ANKRD18A: variants seen among roughly 807,000 people sequenced by gnomAD.
The protein encoded by ANKRD18A is ankyrin repeat domain 18A.
A neutral mutation model predicts 110.6 loss-of-function variants in ANKRD18A; 72 were observed. The observed-to-expected ratio is 0.65, with a 90% confidence interval of 0.54 to 0.79. ANKRD18A has a LOEUF of 0.79. Among genes scored for constraint, ANKRD18A ranks in the 30% least tolerant of loss-of-function variants. ANKRD18A has a pLI of 0.00. For synonymous variants in ANKRD18A, 305 were observed against 410.3 expected, an observed-to-expected ratio of 0.74 and a Z score of 3.10; for missense variants, 934 against 1,163.3, an observed-to-expected ratio of 0.80 and a Z score of 2.87.
chr9:38,569,842 C>G (rs757580279), downstream of ANKRD18A, among the ~76,000 whole-genome samples: 3 of 152,260 alleles, frequency 2.0e-5, no homozygotes, highest in East Asian at 1.9e-4. Flanking sequence ...GGGATGCAGA[C>G]AGAGGAGGGG....
At position 38,575,695 on chromosome 9, in the gene ANKRD18A, C is replaced by T. The variant is rs778267149; in HGVS notation, c.2745G>A (p.Ser915=). 3.0e-5 allele frequency: 46 copies of T among 1,549,520 alleles called. No homozygotes were observed. In the South Asian group the frequency reaches 3.0e-4, roughly 10 times the overall value. ...NNSMSKKLMK[S]DKKIAVISTK... is the part of the protein sequence containing the mutation. ...TGCTGATCACTGCTATTTTCTTATC[C>T]GATCTGTAAAGAGAGCAAAGACAAA... Residue 915 remains serine (S), a synonymous_variant, in exon 15 of 16, where the codon TCG becomes TCA. Transcript: ENST00000399703.
At chr9:38,580,992 C>T (rs1824138449) in intron 12 of ANKRD18A, among the ~76,000 whole-genome samples, 1 of 152,214 alleles carries the variant, frequency 6.6e-6, no homozygotes, top group Non-Finnish European at 1.5e-5. Context: ...CCATCAAACA[C>T]ATGGGTGAGC....
Position 38,600,819 on chromosome 9 carries a change from A to G in ANKRD18A, c.936+312T>C, listed in dbSNP as rs370725337. 4.1e-4 allele frequency among the ~76,000 whole-genome samples: 62 copies of G among 152,308 alleles called. 2 individuals carry two copies. In the South Asian group the frequency reaches 6.6e-3, roughly 16 times the overall value. On this transcript the variant is annotated intron_variant, in intron 8 of 15. Coordinates refer to ENST00000399703, the MANE Select transcript of ANKRD18A (RefSeq NM_147195.4). ...CAATTGCTCATCATTTCTCTTGCTT[A>G]GTAATACAACTCCATTTTTGATGTT...
rs1425375244 is a variant in ANKRD18A, at chr9:38,611,189, A to G, written c.602+26T>C. ...AACACTCAGGTTTTTAGGAAAAAAG[A>G]AAACAAAAAACAAAAACTATTGCAC... On this transcript the variant is annotated intron_variant, in intron 4 of 15. Transcript: ENST00000399703. The G allele has an allele frequency of 2.6e-6, 4 of 1,523,100 alleles. No homozygotes were observed. In the African/African-American group the frequency reaches 4.2e-5, roughly 16 times the overall value. 94.3% of individuals were successfully genotyped at this position (1,523,100 alleles called of 1,614,324 possible).
chr9:38,619,687 C>G (rs1378729152), intron 1 of ANKRD18A, among the ~76,000 whole-genome samples: 2 of 152,048 alleles, frequency 1.3e-5, no homozygotes, highest in Non-Finnish European at 2.9e-5. Context: ...TCCCAGTGTC[C>G]CTCTAAGAAG....
chr9:38,571,597 G>T lies in ANKRD18A; in HGVS notation c.*448C>A. On this transcript the variant is annotated 3_prime_UTR_variant, in exon 16 of 16. Transcript: ENST00000399703. Reference sequence around the variant, plus strand: ...CGTAACACTAGTATGGACAAACCTGGCAGATACTCTTTAAGTCTCCTACTA... The same window carrying T: ...CGTAACACTAGTATGGACAAACCTGTCAGATACTCTTTAAGTCTCCTACTA... 1 of 1,009,396 alleles carries T rather than the reference G, an allele frequency of 9.9e-7. No homozygotes were observed. 62.5% of individuals were successfully genotyped at this position (1,009,396 alleles called of 1,614,324 possible).
downstream of ANKRD18A, chr9:38,566,642 G>A (rs1248316682): frequency 6.6e-6 from 1 of 152,176 alleles, no homozygotes; most frequent in Non-Finnish European, 1.5e-5. Context: ...TTTTCTGTAT[G>A]ATTCATTATG....
intron 14 of ANKRD18A, 81 bp downstream of exon 14, chr9:38,576,972 A>C: frequency 2.4e-6 from 3 of 1,238,740 alleles, no homozygotes; most frequent in Non-Finnish European, 3.4e-6. Context: ...TGATCTCCTG[A>C]AGCCATCTCA....
chr9:38,616,881 G>A (rs1418479353), intron 1 of ANKRD18A, among the ~76,000 whole-genome samples: 3 of 151,938 alleles, frequency 2.0e-5, no homozygotes, highest in South Asian at 2.1e-4. Context: ...ATATTGGAGT[G>A]GTATTTATAA....
At chr9:38,611,173 GT>G in intron 4 of ANKRD18A, 41 bp downstream of exon 4, 1 of 1,520,156 alleles carries the variant, frequency 6.6e-7, no homozygotes, top group Non-Finnish European at 8.8e-7. Flanking sequence ...GAACACTCAG[GT>G]TTTTAGGAAA....
intron 15 of ANKRD18A, among the ~76,000 whole-genome samples, chr9:38,574,092 G>A (rs1024347731): frequency 1.3e-5 from 2 of 152,056 alleles, no homozygotes; most frequent in African/African-American, 2.4e-5. Context: ...AGTGTCTATT[G>A]TTCCCATGTT....
At chr9:38,578,595 C>A (rs561186046) in intron 12 of ANKRD18A, among the ~76,000 whole-genome samples, 2 of 152,084 alleles carry the variant, frequency 1.3e-5, no homozygotes, top group Non-Finnish European at 2.9e-5. Flanking sequence ...TAATACTCTA[C>A]GCTAGGCATG....
chr9:38,586,044 C>A (rs1026884165), intron 12 of ANKRD18A, 139 bp downstream of exon 12: 2 of 917,786 alleles, frequency 2.2e-6, no homozygotes, highest in African/African-American at 1.7e-5. Context: ...ATAGCTAATG[C>A]CTACGGGGCT....
intron 1 of ANKRD18A, among the ~76,000 whole-genome samples, chr9:38,617,649 G>A (rs562482593): frequency 6.6e-6 from 1 of 152,260 alleles, no homozygotes; most frequent in East Asian, 1.9e-4. Context: ...TCTACCTTCA[G>A]AAAGGCTTTT....
Position 38,593,741 on chromosome 9 carries a change from T to G in ANKRD18A, c.2004+19A>C. 6.6e-7 allele frequency: 1 copy of G among 1,513,054 alleles called. No homozygotes were observed. The highest frequency in any genetic ancestry group is 8.8e-7 in the Non-Finnish European group (1 of 1,131,356). The allele number at this position is 1,513,054 out of a possible 1,614,324, so 93.7% of individuals were successfully genotyped here. A position where few individuals can be genotyped will look rare whatever the true frequency, so the allele number is the denominator to read the frequency against. Reference sequence around the variant, plus strand: ...ACCAGCTACAGATTAACTGTCTACATGTTAAATTCCATACATACTTGAATT... The same window carrying G: ...ACCAGCTACAGATTAACTGTCTACAGGTTAAATTCCATACATACTTGAATT... On this transcript the variant is annotated intron_variant, in intron 10 of 15. Transcript: ENST00000399703.
At chr9:38,592,451 G>A (rs1048321965) in intron 10 of ANKRD18A, among the ~76,000 whole-genome samples, 1 of 152,182 alleles carries the variant, frequency 6.6e-6, no homozygotes. Flanking sequence ...GTCAGAGAAA[G>A]CTTCAAGAAG....
rs1456620367 is a variant in ANKRD18A at position 38,575,699 on chromosome 9, C to T, written c.2742-1G>A. 1 of 1,546,588 alleles carries T rather than the reference C, an allele frequency of 6.5e-7. No individual in the cohort carries two copies. Among genetic ancestry groups the T allele is most frequent in the East Asian group, 2.4e-5 (1 of 40,866 alleles). On this transcript the variant is annotated splice_acceptor_variant, in intron 14 of 15. Transcript: ENST00000399703. LOFTEE classifies it high-confidence loss of function. ...GATCACTGCTATTTTCTTATCCGAT[C>T]TGTAAAGAGAGCAAAGACAAATGCT...
intron 3 of ANKRD18A, 49 bp downstream of exon 3, chr9:38,615,545 T>C: frequency 2.7e-6 from 4 of 1,504,364 alleles, no homozygotes; most frequent in Non-Finnish European, 3.5e-6. Context: ...CTCTTAACTA[T>C]GTCAATATTA....
rs780398515 is a variant in ANKRD18A, at chr9:38,595,488, CTCTT to C, written c.1848_1851del (p.Arg617LysfsTer2). ...TTTATAGTTTTCTTCATACTTACTTCTCTTTCTGCTTTTTCTTTTTCACACTGAA... is the reference window on the plus strand; with the variant it reads ...TTTATAGTTTTCTTCATACTTACTTCTCTGCTTTTTCTTTTTCACACTGAA... On this transcript the variant is annotated frameshift_variant, in exon 9 of 16. Transcript: ENST00000399703. LOFTEE classifies it high-confidence loss of function. 5 of 1,469,364 alleles carry C rather than the reference CTCTT, an allele frequency of 3.4e-6. No individual in the cohort carries two copies. In the African/African-American group the frequency reaches 7.2e-5, roughly 21 times the overall value. 91.0% of individuals were successfully genotyped at this position (1,469,364 alleles called of 1,614,324 possible).
Sources: allele counts gnomAD v4.1 joint callset (sites outside exome capture counted in the v4.1 genomes callset), GRCh38; gene constraint gnomAD v4.1.1; transcripts MANE v1.5; gene names NCBI Gene and HGNC (gene_info 2026-07-23, HGNC 2026-07-21).